RASA1: variants seen among roughly 807,000 people sequenced by gnomAD.
RASA1 encodes ras GTPase-activating protein 1.
In RASA1, 25 loss-of-function variants were observed where a neutral mutation model predicts 132.2. The ratio of observed to expected loss-of-function variants is 0.19; its 90% CI spans 0.14 to 0.26. RASA1 has a LOEUF of 0.26. RASA1 is among the 10% of genes least tolerant of loss of function. The pLI, the probability that RASA1 is intolerant of heterozygous loss-of-function variation, is 1.00. For synonymous variants in RASA1, 477 were observed against 449.9 expected (o/e 1.06, Z -0.76); for missense variants, 964 against 1,299.2 (o/e 0.74, Z 3.97).
chr5:87,294,365 G>A (rs1335993506), intron 1 of RASA1: 3 of 152,126 alleles, frequency 2.0e-5, no homozygotes, highest in East Asian at 1.9e-4. Context: ...TAATCGTGGA[G>A]GTTTACTGGG....
chr5:87,331,582 T>C (rs1377898773), intron 2 of RASA1, 82 bp downstream of exon 2: 3 of 1,453,088 alleles, frequency 2.1e-6, no homozygotes, highest in Non-Finnish European at 2.9e-6. Flanking sequence ...ATAATAAAGG[T>C]GAATGACTCA....
chr5:87,311,960 T>C (rs998999372), intron 1 of RASA1, among the ~76,000 whole-genome samples: 1 of 152,246 alleles, frequency 6.6e-6, no homozygotes, highest in Non-Finnish European at 1.5e-5. Flanking sequence ...GTGGACAACC[T>C]AGCCCTACTG....
intron 1 of RASA1, among the ~76,000 whole-genome samples, chr5:87,269,970 A>T (rs1260927846): frequency 6.6e-6 from 1 of 152,084 alleles, no homozygotes; most frequent in African/African-American, 2.4e-5. Flanking sequence ...GGCCGGGCGC[A>T]GTGGCTCACA....
chr5:87,358,758 C>T (rs1053062209), intron 9 of RASA1, among the ~76,000 whole-genome samples: 2 of 152,176 alleles, frequency 1.3e-5, no homozygotes, highest in African/African-American at 2.4e-5. Context: ...TCTCTTCCTA[C>T]TATCCTCCTG....
chr5:87,374,215 AT>A lies in RASA1; in HGVS notation c.1833del (p.Phe611LeufsTer10). 6.3e-7 allele frequency: 1 copy of A among 1,589,538 alleles called. No homozygotes were observed. The highest frequency in any genetic ancestry group is 8.6e-7 in the Non-Finnish European group (1 of 1,165,854). On this transcript the variant is annotated frameshift_variant, in exon 14 of 25. Transcript: ENST00000274376. LOFTEE classifies it high-confidence loss of function. ...GAAGCCCATAAACTCCCAGTAAAAC[AT>A]TTTACTAATCCATATTGTAACATCT... is the stretch of plus-strand genomic sequence containing the variant. ...IEEAHKLPVK[H>X]FTNPYCNIYL...
intron 1 of RASA1, among the ~76,000 whole-genome samples, chr5:87,320,250 C>T (rs1428317207): frequency 6.6e-6 from 1 of 152,220 alleles, no homozygotes; most frequent in Non-Finnish European, 1.5e-5. Flanking sequence ...CTGTCTTCTT[C>T]TGATCTCTCC....
intron 8 of RASA1, among the ~76,000 whole-genome samples, chr5:87,352,545 C>CA (rs1580333129): frequency 1.3e-5 from 2 of 151,724 alleles, no homozygotes; most frequent in East Asian, 3.9e-4. Context: ...TACAGTATGT[C>CA]ATTTTATTTT....
chr5:87,348,906 T>A (rs758989305), intron 7 of RASA1, among the ~76,000 whole-genome samples: 2 of 152,002 alleles, frequency 1.3e-5, no homozygotes, highest in Non-Finnish European at 2.9e-5. Context: ...CTAACTATGC[T>A]TAGGTTCCTT....
intron 1 of RASA1, among the ~76,000 whole-genome samples, chr5:87,285,648 C>T (rs1302897132): frequency 5.0e-5 from 7 of 140,034 alleles, no homozygotes; most frequent in African/African-American, 1.1e-4. Flanking sequence ...GACAAAGTCT[C>T]GCTCTGTCGC....
chr5:87,306,923 A>G (rs1755642465), intron 1 of RASA1, among the ~76,000 whole-genome samples: 1 of 152,082 alleles, frequency 6.6e-6, no homozygotes, highest in Non-Finnish European at 1.5e-5. Flanking sequence ...CAATGGTACG[A>G]TCATAGCTTA....
chr5:87,282,514 G>C (rs1035772470), intron 1 of RASA1, among the ~76,000 whole-genome samples: 1 of 152,148 alleles, frequency 6.6e-6, no homozygotes, highest in Non-Finnish European at 1.5e-5. Flanking sequence ...GTTTTCAGAA[G>C]TTTAGTGATA....
chr5:87,388,410 CTA>C (rs1369871352), intron 23 of RASA1, among the ~76,000 whole-genome samples: 3 of 152,094 alleles, frequency 2.0e-5, no homozygotes, highest in African/African-American at 7.2e-5. Context: ...TTGAGTATCC[CTA>C]ATCTGAAATC....
intron 1 of RASA1, among the ~76,000 whole-genome samples, chr5:87,302,500 TG>T (rs1755410889): frequency 1.3e-5 from 2 of 151,798 alleles, no homozygotes; most frequent in Non-Finnish European, 2.9e-5. Flanking sequence ...TTCGCACTGT[TG>T]TTTTTTTAAC....
chr5:87,389,469 T>C lies in RASA1; in HGVS notation c.3002T>C (p.Ile1001Thr). The C allele has an allele frequency of 1.2e-6, 2 of 1,614,178 alleles. No homozygotes were observed. Among genetic ancestry groups the C allele is most frequent in the Non-Finnish European group, 1.7e-6 (2 of 1,179,992 alleles). Reference sequence around the variant, plus strand: ...CGTGATTTAGCAGCATTGCATGAGATTTGCGTGGCTCATTCAGATGAACTT... The same window carrying C: ...CGTGATTTAGCAGCATTGCATGAGACTTGCGTGGCTCATTCAGATGAACTT... ...LSRDLAALHE[I>T]CVAHSDELRT... Residue 1001 changes from isoleucine (I) to threonine (T), a missense_variant, in exon 24 of 25, where the codon ATT becomes ACT. Ile to Thr is a moderately conservative substitution (Grantham distance 89, BLOSUM62 -1). This residue lies in a region of RASA1 where 107 missense variants were observed against 163.8 expected (regional missense o/e 0.65). Coordinates refer to ENST00000274376, the MANE Select transcript of RASA1 (RefSeq NM_002890.3).
At chr5:87,270,646 CTTTTT>C (rs70996415) in intron 1 of RASA1, among the ~76,000 whole-genome samples, 8 of 71,776 alleles carry the variant, frequency 1.1e-4, no homozygotes, top group African/African-American at 6.4e-5. Flanking sequence ...GGTGCCCGGC[CTTTTT>C]TTTTTTTTTT....
chr5:87,328,005 C>T (rs763616095), intron 1 of RASA1, among the ~76,000 whole-genome samples: 7 of 151,450 alleles, frequency 4.6e-5, no homozygotes, highest in South Asian at 2.1e-4. Flanking sequence ...CCTATGTGGA[C>T]GTTAAAAAAG....
At position 87,268,721 on chromosome 5, in the gene RASA1, T is replaced by A. The variant is rs1331569994; in HGVS notation, c.270T>A (p.Gly90=). Residue 90 remains glycine (G), a synonymous_variant, in exon 1 of 25, where the codon GGT becomes GGA. Transcript: ENST00000274376. The stretch of plus-strand genomic sequence containing the variant: ...GGGGAGCTGGACTGACAGGGGGAGG[T>A]ACTGCTGCTGGCGTAGCTGGTGCTG... ...ALGGAGLTGG[G]TAAGVAGAAA... 2.5e-6 allele frequency: 4 copies of A among 1,611,340 alleles called. No homozygotes were observed. The highest frequency in any genetic ancestry group is 1.1e-5 in the South Asian group (1 of 90,830).
intron 13 of RASA1, among the ~76,000 whole-genome samples, chr5:87,373,581 G>C (rs1417217311): frequency 6.6e-6 from 1 of 152,134 alleles, no homozygotes; most frequent in African/African-American, 2.4e-5. Context: ...GGCCACACAA[G>C]TAGTATATGG....
intron 15 of RASA1, 56 bp from the exon 16 acceptor site, chr5:87,376,337 A>C: frequency 1.9e-6 from 3 of 1,591,076 alleles, no homozygotes; most frequent in Non-Finnish European, 1.7e-6. Flanking sequence ...ATTTACTTGC[A>C]TGACTAATTA....
Sources: gnomAD v4.1 joint callset for allele counts (sites outside exome capture counted in the v4.1 genomes callset) on GRCh38, gnomAD v4.1.1 for gene constraint, gnomAD v4.1.1 regional missense constraint, MANE v1.5 for transcripts, NCBI Gene and HGNC (gene_info 2026-07-23, HGNC 2026-07-21) for gene names.